The following NSD1 variants were observed in gnomAD, a reference collection of about 807,000 sequenced individuals.
The protein encoded by NSD1 is histone-lysine N-methyltransferase, H3 lysine-36 specific.
A neutral mutation model predicts 242.7 loss-of-function variants in NSD1; 26 were observed. That is an observed-to-expected ratio of 0.11 (90% CI 0.08 to 0.15). The LOEUF (loss-of-function observed/expected upper bound fraction) is 0.15. NSD1 is among the 10% of genes least tolerant of loss of function. The pLI is 1.00. For synonymous variants in NSD1, 1,106 were observed against 1,178.1 expected, an observed-to-expected ratio of 0.94 and a Z score of 1.25; for missense variants, 2,495 against 3,272.8, an observed-to-expected ratio of 0.76 and a Z score of 5.80.
intron 2 of NSD1, among the ~76,000 whole-genome samples, chr5:177,150,642 C>A (rs1474448647): frequency 6.6e-6 from 1 of 152,006 alleles, no homozygotes; most frequent in African/African-American, 2.4e-5. Context: ...AAGATAAAAT[C>A]TATTTTAGAG....
At chr5:177,251,198 A>AT (rs1331567354) in intron 11 of NSD1, among the ~76,000 whole-genome samples, 1 of 152,068 alleles carries the variant, frequency 6.6e-6, no homozygotes, top group Non-Finnish European at 1.5e-5. Context: ...TCAAAAAAAA[A>AT]AAAAAATTGA....
Position 177,217,278 on chromosome 5 carries a change from G to A in NSD1, c.3796+5083G>A, listed in dbSNP as rs573888882. On this transcript the variant is annotated intron_variant, in intron 5 of 22. Transcript: ENST00000439151. ...TTTTTATGCTATTGCAAATGTGATT[G>A]TTTTAATTTCCTTTTATATTGTTCA... 3.9e-5 allele frequency among the ~76,000 whole-genome samples: 6 copies of A among 152,076 alleles called. No individual in the cohort carries two copies. The South Asian group carries it at 1.0e-3, about 26-fold the overall frequency.
chr5:177,294,181 G>T lies in NSD1; in HGVS notation c.6813G>T (p.Gly2271=). The change falls in exon 23 of 23, where the codon GGG becomes GGT. Residue 2271 remains glycine, a synonymous_variant. Transcript: ENST00000439151. The part of the protein sequence containing the change: ...MLSLSKKALA[G]TCQRPLLPER... ...CGCTCTCCAAAAAAGCTCTGGCAGG[G>T]ACTTGTCAGAGGCCATTGCTACCTG... 1 of 1,614,148 alleles carries T rather than the reference G, an allele frequency of 6.2e-7. No individual in the cohort carries two copies. Among genetic ancestry groups the T allele is most frequent in the Non-Finnish European group, 8.5e-7 (1 of 1,180,032 alleles).
intron 2 of NSD1, among the ~76,000 whole-genome samples, chr5:177,190,094 G>A (rs760950850): frequency 5.3e-5 from 8 of 152,122 alleles, no homozygotes; most frequent in Non-Finnish European, 1.0e-4. Context: ...GCAGCTGGGA[G>A]TACAGGCATG....
intron 20 of NSD1, among the ~76,000 whole-genome samples, chr5:177,285,753 G>C (rs780941254): frequency 1.3e-5 from 2 of 152,132 alleles, no homozygotes; most frequent in Admixed American, 1.3e-4. Context: ...TCTAATTACT[G>C]TTGAAGCAGA....
At chr5:177,227,394 C>T (rs548399995) in intron 5 of NSD1, among the ~76,000 whole-genome samples, 2 of 152,206 alleles carry the variant, frequency 1.3e-5, no homozygotes, top group East Asian at 3.9e-4. Flanking sequence ...AGTTAGTTTC[C>T]TTTACTTTCT....
intron 12 of NSD1, 101 bp from the exon 13 acceptor site, chr5:177,256,850 G>T: frequency 4.3e-6 from 4 of 938,662 alleles, no homozygotes; most frequent in African/African-American, 1.6e-5. Context: ...ATGTCAAACC[G>T]ATCAGTCCAT....
chr5:177,196,974 A>G (rs1463715855), intron 3 of NSD1, among the ~76,000 whole-genome samples: 1 of 152,234 alleles, frequency 6.6e-6, no homozygotes, highest in Non-Finnish European at 1.5e-5. Flanking sequence ...TCATTTATAA[A>G]TTGGGCATTG....
intron 5 of NSD1, among the ~76,000 whole-genome samples, chr5:177,219,973 ACT>A (rs909470103): frequency 3.3e-5 from 5 of 151,690 alleles, no homozygotes; most frequent in Non-Finnish European, 2.9e-5. Context: ...AAAAAAAAAG[ACT>A]CTGTGTGACC....
chr5:177,273,152 G>GGA (rs1321242473), intron 16 of NSD1, among the ~76,000 whole-genome samples: 1 of 152,090 alleles, frequency 6.6e-6, no homozygotes, highest in African/African-American at 2.4e-5. Flanking sequence ...GTAGTTGTTA[G>GGA]GAGATGGCAT....
intron 18 of NSD1, among the ~76,000 whole-genome samples, chr5:177,281,705 C>A (rs905769487): frequency 6.6e-6 from 1 of 152,070 alleles, no homozygotes; most frequent in Admixed American, 6.6e-5. Context: ...CAAACTGGAG[C>A]GCACTGGTGC....
rs772604602 is a variant in NSD1 at position 177,142,169 on chromosome 5, C to T, written c.927+6139C>T. Among the ~76,000 whole-genome samples the T allele has an allele frequency of 3.6e-4, 55 of 152,136 alleles. 1 individual carries two copies. The highest frequency in any genetic ancestry group is 3.5e-4 in the Non-Finnish European group (24 of 68,028). On this transcript the variant is annotated intron_variant, in intron 2 of 22. Coordinates refer to ENST00000439151, the MANE Select transcript of NSD1 (RefSeq NM_022455.5). Reference sequence around the variant, plus strand: ...ATTTTGAACCCATCTCTTTTATTGCCAAACACGCATTTACTTCTGTGTTCA... The same window carrying T: ...ATTTTGAACCCATCTCTTTTATTGCTAAACACGCATTTACTTCTGTGTTCA...
intron 2 of NSD1, among the ~76,000 whole-genome samples, chr5:177,140,028 A>G (rs1432785513): frequency 6.6e-6 from 1 of 152,014 alleles, no homozygotes; most frequent in African/African-American, 2.4e-5. Context: ...AATTAGAGAA[A>G]GAAGGGTCAT....
chr5:177,180,594 TGA>T (rs1478194903), intron 2 of NSD1, among the ~76,000 whole-genome samples: 1 of 152,110 alleles, frequency 6.6e-6, no homozygotes. Context: ...TGTTAATTAC[TGA>T]GAGAGGTTTT....
At chr5:177,232,014 T>A (rs997395424) in intron 5 of NSD1, among the ~76,000 whole-genome samples, 11 of 152,086 alleles carry the variant, frequency 7.2e-5, no homozygotes, top group African/African-American at 2.7e-4. Flanking sequence ...ATCCTCCTGC[T>A]TCAGTCTCAC....
At chr5:177,259,862 C>A in intron 13 of NSD1, 127 bp from the exon 14 acceptor site, 1 of 1,005,218 alleles carries the variant, frequency 9.9e-7, no homozygotes, top group Non-Finnish European at 1.5e-6. Context: ...GATCCATCAT[C>A]TTAGTGGTCA....
At chr5:177,204,657 A>G (rs1762747341) in intron 4 of NSD1, among the ~76,000 whole-genome samples, 1 of 152,112 alleles carries the variant, frequency 6.6e-6, no homozygotes. Flanking sequence ...AAAAATCATT[A>G]TCTACTTGGG....
At chr5:177,220,527 G>A (rs1764146879) in intron 5 of NSD1, among the ~76,000 whole-genome samples, 1 of 148,976 alleles carries the variant, frequency 6.7e-6, no homozygotes, top group Non-Finnish European at 1.5e-5. Flanking sequence ...TCTTTAGATT[G>A]GGGAGTTTAA....
intron 5 of NSD1, 134 bp from the exon 6 acceptor site, chr5:177,235,687 C>G (rs961525787): frequency 8.7e-7 from 1 of 1,155,584 alleles, no homozygotes. Flanking sequence ...GTGCCTCTTG[C>G]ATCTTAAGCC....
Sources: gnomAD v4.1 joint callset for allele counts (sites outside exome capture counted in the v4.1 genomes callset) on GRCh38, gnomAD v4.1.1 for gene constraint, MANE v1.5 for transcripts, NCBI Gene and HGNC (gene_info 2026-07-23, HGNC 2026-07-21) for gene names.